Variants in RBMS2 observed in about 807,000 individuals in gnomAD.
RBMS2 encodes the protein RNA binding motif single stranded interacting protein 2.
RBMS2 carries 38 observed loss-of-function variants against 58.4 expected under a neutral mutation model. The ratio of observed to expected loss-of-function variants is 0.65; its 90% CI spans 0.50 to 0.85. The LOEUF is 0.85. Ranked by LOEUF, RBMS2 falls within the 40% of genes least tolerant of loss-of-function variation. The pLI, the probability that RBMS2 is intolerant of heterozygous loss-of-function variation, is 0.00. For missense variants in RBMS2, 367 were observed against 503.7 expected (o/e 0.73, Z 2.60); for synonymous variants, 151 against 180.7 (o/e 0.84, Z 1.32).
intron 1 of RBMS2, among the ~76,000 whole-genome samples, chr12:56,546,009 T>C (rs1388172430): frequency 6.6e-6 from 1 of 151,262 alleles, no homozygotes; most frequent in East Asian, 1.9e-4. Context: ...CAATCTTGGC[T>C]CACTGCAATC....
At chr12:56,521,502 G>GTTTTTTTTTTTTTTTT (rs68129205), upstream of RBMS2, among the ~76,000 whole-genome samples, 32 of 73,156 alleles carry the variant, frequency 4.4e-4, no homozygotes, top group Non-Finnish European at 6.0e-4. Context: ...CTCTAACTCT[G>GTTTTTTTTTTTTTTTT]TTTTTTTTTT....
chr12:56,570,641 A>G (rs771741401), intron 4 of RBMS2, among the ~76,000 whole-genome samples: 5 of 152,154 alleles, frequency 3.3e-5, no homozygotes, highest in Admixed American at 6.6e-5. Flanking sequence ...GCAGTGGCGC[A>G]ATCTCGGCTC....
chr12:56,586,205 A>G (rs765273346), intron 9 of RBMS2, among the ~76,000 whole-genome samples: 1 of 152,052 alleles, frequency 6.6e-6, no homozygotes, highest in Non-Finnish European at 1.5e-5. Context: ...GGTGGCGGGC[A>G]CCTGTAGTCC....
At chr12:56,573,818 T>G (rs1327410887) in intron 5 of RBMS2, among the ~76,000 whole-genome samples, 1 of 150,810 alleles carries the variant, frequency 6.6e-6, no homozygotes, top group Non-Finnish European at 1.5e-5. Flanking sequence ...CCACCACGCC[T>G]GGCTAATTTT....
intron 1 of RBMS2, among the ~76,000 whole-genome samples, chr12:56,550,657 C>T (rs1012200912): frequency 6.6e-5 from 10 of 151,986 alleles, no homozygotes; most frequent in Admixed American, 1.3e-4. Context: ...GCCTGGCCAA[C>T]ATGATGAAAC....
chr12:56,566,223 A>G (rs1214823257), intron 2 of RBMS2, among the ~76,000 whole-genome samples: 2 of 152,176 alleles, frequency 1.3e-5, no homozygotes, highest in Non-Finnish European at 2.9e-5. Flanking sequence ...AGGAGTGAAA[A>G]CAAATCAATC....
At chr12:56,565,681 G>A (rs901276860) in intron 2 of RBMS2, among the ~76,000 whole-genome samples, 1 of 152,146 alleles carries the variant, frequency 6.6e-6, no homozygotes, top group Non-Finnish European at 1.5e-5. Context: ...CCCTCTGTCC[G>A]CTGTGAGCAG....
chr12:56,586,050 C>T (rs1273604364), intron 9 of RBMS2, among the ~76,000 whole-genome samples: 2 of 151,620 alleles, frequency 1.3e-5, no homozygotes, highest in African/African-American at 4.8e-5. Flanking sequence ...AGGTGTGGGC[C>T]GGGCACGGTG....
chr12:56,531,687 G>A (rs921594474), intron 1 of RBMS2, among the ~76,000 whole-genome samples: 6 of 151,642 alleles, frequency 4.0e-5, no homozygotes, highest in African/African-American at 1.2e-4. Flanking sequence ...AATTAGCTGG[G>A]CGTGGTGGTG....
intron 4 of RBMS2, among the ~76,000 whole-genome samples, chr12:56,571,362 G>T: frequency 6.6e-6 from 1 of 152,130 alleles, no homozygotes; most frequent in East Asian, 1.9e-4. Flanking sequence ...GCCAGCCAAG[G>T]AGCAAGGCAG....
At chr12:56,569,245 T>C (rs1032217474) in intron 3 of RBMS2, among the ~76,000 whole-genome samples, 2 of 152,336 alleles carry the variant, frequency 1.3e-5, no homozygotes, top group South Asian at 4.1e-4. Flanking sequence ...GCCAGAAGAC[T>C]GTACAAAACA....
At chr12:56,559,899 T>C (rs1471428116) in intron 1 of RBMS2, among the ~76,000 whole-genome samples, 2 of 145,464 alleles carry the variant, frequency 1.4e-5, no homozygotes, top group African/African-American at 2.5e-5. Context: ...AATCTTCTTT[T>C]TTTTTTTTTT....
chr12:56,580,863 TAAA>T (rs371012846), intron 5 of RBMS2, among the ~76,000 whole-genome samples: 4 of 152,226 alleles, frequency 2.6e-5, no homozygotes, highest in African/African-American at 9.6e-5. Context: ...AATTTTCTAA[TAAA>T]AAATAATGGT....
intron 4 of RBMS2, among the ~76,000 whole-genome samples, chr12:56,571,324 A>G (rs1882256329): frequency 6.6e-6 from 1 of 152,130 alleles, no homozygotes; most frequent in South Asian, 2.1e-4. Flanking sequence ...TGGCTGGAAG[A>G]GAAGTGGGGA....
At chr12:56,529,879 G>A (rs145867415) in intron 1 of RBMS2, among the ~76,000 whole-genome samples, 1 of 152,242 alleles carries the variant, frequency 6.6e-6, no homozygotes, top group African/African-American at 2.4e-5. Context: ...GGTTATGGTT[G>A]CACAACTCTG....
At chr12:56,544,629 C>T (rs767864057) in intron 1 of RBMS2, among the ~76,000 whole-genome samples, 2 of 152,126 alleles carry the variant, frequency 1.3e-5, no homozygotes, top group Non-Finnish European at 2.9e-5. Context: ...TGCTCTGTTG[C>T]CATGCTGTAG....
chr12:56,558,866 C>T (rs932393018), intron 1 of RBMS2, among the ~76,000 whole-genome samples: 2 of 151,938 alleles, frequency 1.3e-5, no homozygotes, highest in African/African-American at 4.8e-5. Context: ...TCCCAATTTG[C>T]TGGGATTACA....
At chr12:56,565,969 G>A (rs1436521053) in intron 2 of RBMS2, among the ~76,000 whole-genome samples, 3 of 152,128 alleles carry the variant, frequency 2.0e-5, no homozygotes, top group African/African-American at 7.2e-5. Context: ...CCACCCTGGG[G>A]CCTTCATAAG....
In RBMS2 at chr12:56,594,590, G is replaced by C. The variant is rs1885568329; in HGVS notation, c.*5457G>C. 6.6e-6 allele frequency: 1 copy of C among 152,110 alleles called. No homozygotes were observed. Among genetic ancestry groups the C allele is most frequent in the Non-Finnish European group, 1.5e-5 (1 of 68,032 alleles). 9.4% of individuals were successfully genotyped at this position (152,110 alleles called of 1,614,324 possible). On this transcript the variant is annotated 3_prime_UTR_variant, in exon 14 of 14. Transcript: ENST00000262031. ...GCAAATTCCTGAAATTTCCTCATTTGGTAGGCCTTCCATAGGAGTCAGCTA... is the reference window on the plus strand; with the variant it reads ...GCAAATTCCTGAAATTTCCTCATTTCGTAGGCCTTCCATAGGAGTCAGCTA...
Sources: gnomAD v4.1 joint callset for allele counts (sites outside exome capture counted in the v4.1 genomes callset) on GRCh38, gnomAD v4.1.1 for gene constraint, MANE v1.5 for transcripts, NCBI Gene and HGNC (gene_info 2026-07-23, HGNC 2026-07-21) for gene names.